Variants in PACRG observed in about 807,000 individuals in gnomAD.
The protein encoded by PACRG is parkin coregulated, also known as parkin coregulated gene protein.
In PACRG, 29 loss-of-function variants were observed where a neutral mutation model predicts 29.7. The ratio of observed to expected loss-of-function variants is 0.98; its 90% CI spans 0.73 to 1.33. The LOEUF (loss-of-function observed/expected upper bound fraction) is 1.33. PACRG is among the 40% of genes most tolerant of loss of function. The pLI, the probability that PACRG is intolerant of heterozygous loss-of-function variation, is 0.00. For synonymous variants in PACRG, 116 were observed against 118.7 expected, an observed-to-expected ratio of 0.98 and a Z score of 0.15; for missense variants, 279 against 316.2, an observed-to-expected ratio of 0.88 and a Z score of 0.89.
At chr6:162,820,065 C>T (rs1181659427) in intron 2 of PACRG, among the ~76,000 whole-genome samples, 1 of 152,152 alleles carries the variant, frequency 6.6e-6, no homozygotes, top group Non-Finnish European at 1.5e-5. Context: ...GAATGCTTTC[C>T]AATGACTACT....
rs372727617 is a variant in PACRG, at chr6:162,849,224, G to C, written c.291+34943G>C. Among the ~76,000 whole-genome samples the C allele has an allele frequency of 7.0e-4, 107 of 152,306 alleles. No individual in the cohort carries two copies. The South Asian group carries it at 0.012, about 17-fold the overall frequency. On this transcript the variant is annotated intron_variant, in intron 2 of 4. Transcript: ENST00000366888. ...AAAGAAAAAAGGACCCTTTAAGACAGTCGTTAAGCTTTAATTAATCACACA... is the reference window on the plus strand; with the variant it reads ...AAAGAAAAAAGGACCCTTTAAGACACTCGTTAAGCTTTAATTAATCACACA...
intron 4 of PACRG, among the ~76,000 whole-genome samples, chr6:163,262,247 A>T (rs1034547228): frequency 6.6e-6 from 1 of 152,222 alleles, no homozygotes; most frequent in African/African-American, 2.4e-5. Context: ...AGAGAAAGAA[A>T]GGGGAGCTAA....
intron 4 of PACRG, among the ~76,000 whole-genome samples, chr6:163,146,891 G>T (rs1447774408): frequency 6.6e-6 from 1 of 152,202 alleles, no homozygotes; most frequent in African/African-American, 2.4e-5. Context: ...CTCTGAAAAT[G>T]TAGGCAATAT....
intron 1 of PACRG, among the ~76,000 whole-genome samples, chr6:162,729,707 T>C: frequency 6.6e-6 from 1 of 151,982 alleles, no homozygotes; most frequent in African/African-American, 2.4e-5. Flanking sequence ...AATGTTATAC[T>C]TTAATTTTTT....
At chr6:163,075,365 G>C (rs1256594110) in intron 3 of PACRG, among the ~76,000 whole-genome samples, 3 of 152,054 alleles carry the variant, frequency 2.0e-5, no homozygotes, top group Non-Finnish European at 4.4e-5. Flanking sequence ...AATTTTTCCA[G>C]ACAATAAAAC....
chr6:162,760,160 C>T (rs1056802990), intron 1 of PACRG, among the ~76,000 whole-genome samples: 1 of 152,168 alleles, frequency 6.6e-6, no homozygotes, highest in Non-Finnish European at 1.5e-5. Flanking sequence ...TGTATGACTC[C>T]CAGGTGCCTC....
intron 4 of PACRG, among the ~76,000 whole-genome samples, chr6:163,113,747 GA>G (rs1441752417): frequency 6.6e-6 from 1 of 152,068 alleles, no homozygotes; most frequent in African/African-American, 2.4e-5. Flanking sequence ...CCACCCTGCA[GA>G]AAACACTAAA....
intron 2 of PACRG, among the ~76,000 whole-genome samples, chr6:162,845,029 G>A (rs779779489): frequency 7.9e-5 from 12 of 152,080 alleles, no homozygotes; most frequent in Non-Finnish European, 1.3e-4. Flanking sequence ...AAATAATCTC[G>A]TATCTTAGGT....
intron 1 of PACRG, among the ~76,000 whole-genome samples, chr6:162,772,552 T>C (rs1783303365): frequency 6.6e-6 from 1 of 152,130 alleles, no homozygotes; most frequent in South Asian, 2.1e-4. Context: ...GAAAAGTCAA[T>C]AGGAGGGAGA....
chr6:163,273,791 T>C (rs569277304), intron 4 of PACRG, among the ~76,000 whole-genome samples: 1 of 152,286 alleles, frequency 6.6e-6, no homozygotes, highest in Non-Finnish European at 1.5e-5. Context: ...ACTTATTTTG[T>C]AGTTCTGCTG....
chr6:163,245,804 A>G (rs1156496435), intron 4 of PACRG, among the ~76,000 whole-genome samples: 1 of 152,118 alleles, frequency 6.6e-6, no homozygotes, highest in Non-Finnish European at 1.5e-5. Context: ...GTCTCCGGGC[A>G]TTTTCTGCCC....
upstream of PACRG, chr6:162,727,291 A>AGGTGAGGGGCGGCGGCGGGGCGAC: frequency 3.2e-6 from 1 of 317,164 alleles, no homozygotes; most frequent in Non-Finnish European, 5.8e-6. Context: ...TGAGGGGCGA[A>AGGTGAGGGGCGGCGGCGGGGCGAC]GGTGAGGGGC....
intron 2 of PACRG, among the ~76,000 whole-genome samples, chr6:162,957,087 G>A (rs562887943): frequency 8.6e-5 from 13 of 152,034 alleles, no homozygotes; most frequent in African/African-American, 3.1e-4. Context: ...TTAGAGGTAG[G>A]CAGTAGAGTG....
chr6:163,098,867 T>C (rs1814836029), intron 4 of PACRG, among the ~76,000 whole-genome samples: 1 of 152,226 alleles, frequency 6.6e-6, no homozygotes, highest in African/African-American at 2.4e-5. Flanking sequence ...CTTCCTGATG[T>C]TGCTGTGGCA....
chr6:163,131,424 C>T (rs1234408489), intron 4 of PACRG, among the ~76,000 whole-genome samples: 1 of 151,918 alleles, frequency 6.6e-6, no homozygotes, highest in Non-Finnish European at 1.5e-5. Context: ...AAGATGGACG[C>T]AGAGAGGGGG....
intron 4 of PACRG, among the ~76,000 whole-genome samples, chr6:163,252,354 A>T (rs771567804): frequency 6.6e-6 from 1 of 152,230 alleles, no homozygotes; most frequent in South Asian, 2.1e-4. Flanking sequence ...GCCTTCGTGG[A>T]GTTTAGATGA....
chr6:163,271,679 T>C (rs973615113), intron 4 of PACRG, among the ~76,000 whole-genome samples: 2 of 152,254 alleles, frequency 1.3e-5, no homozygotes, highest in African/African-American at 4.8e-5. Flanking sequence ...TTTGCCCGCA[T>C]ATTTTAATGT....
intron 1 of PACRG, among the ~76,000 whole-genome samples, chr6:162,787,582 GTATATA>G (rs869254835): frequency 0.12 from 7,595 of 62,258 alleles, 617 homozygotes; most frequent in Non-Finnish European, 0.17. Context: ...GTGTGTGTGT[GTATATA>G]TATATATATA....
At chr6:163,124,772 G>C (rs572116445) in intron 4 of PACRG, among the ~76,000 whole-genome samples, 1 of 152,170 alleles carries the variant, frequency 6.6e-6, no homozygotes, top group Admixed American at 6.5e-5. Flanking sequence ...CCGTACAGCT[G>C]GAGGGTGCAC....
Sources: allele counts gnomAD v4.1 joint callset (sites outside exome capture counted in the v4.1 genomes callset), GRCh38; gene constraint gnomAD v4.1.1; transcripts MANE v1.5; gene names NCBI Gene and HGNC (gene_info 2026-07-23, HGNC 2026-07-21).